INPP4B: variants seen among roughly 807,000 people sequenced by gnomAD.
INPP4B encodes inositol polyphosphate-4-phosphatase type II B.
Under a neutral mutation model 122.5 loss-of-function variants are expected in INPP4B, and 55 were observed. The ratio of observed to expected loss-of-function variants is 0.45; its 90% CI spans 0.36 to 0.56. The LOEUF is 0.56. INPP4B is among the 20% of genes least tolerant of loss of function. The probability of loss-of-function intolerance (pLI) is 0.00; values close to 1 mark genes in which losing one functional copy is unlikely to be tolerated. For synonymous variants in INPP4B, 403 were observed against 388.7 expected (o/e 1.04, Z -0.43); for missense variants, 1,000 against 1,097.7 (o/e 0.91, Z 1.26).
chr4:142,077,239 A>G (rs1771296461), intron 25 of INPP4B, among the ~76,000 whole-genome samples: 1 of 151,880 alleles, frequency 6.6e-6, no homozygotes, highest in Non-Finnish European at 1.5e-5. Context: ...GCTGAAACTT[A>G]CCCTGAGTCT....
chr4:142,067,588 G>A (rs940038729), intron 25 of INPP4B, among the ~76,000 whole-genome samples: 2 of 152,132 alleles, frequency 1.3e-5, no homozygotes, highest in Non-Finnish European at 2.9e-5. Flanking sequence ...CTTGAAAAAA[G>A]ATTAGATGAA....
intron 7 of INPP4B, among the ~76,000 whole-genome samples, chr4:142,395,838 TC>T (rs1411505286): frequency 6.6e-6 from 1 of 152,116 alleles, no homozygotes; most frequent in Non-Finnish European, 1.5e-5. Context: ...GGAGGAAGTA[TC>T]TAAAATTGTC....
intron 2 of INPP4B, chr4:142,474,536 G>A (rs1359823731): frequency 6.6e-6 from 1 of 152,392 alleles, no homozygotes; most frequent in Non-Finnish European, 1.5e-5. Flanking sequence ...ATCCAGGCAG[G>A]CAACACCAAC....
At chr4:142,151,561 G>C (rs1813927521) in intron 17 of INPP4B, among the ~76,000 whole-genome samples, 1 of 151,968 alleles carries the variant, frequency 6.6e-6, no homozygotes, top group Non-Finnish European at 1.5e-5. Flanking sequence ...TATTCCCCTG[G>C]CTTGGATTTT....
intron 25 of INPP4B, among the ~76,000 whole-genome samples, chr4:142,049,861 T>A (rs2152385787): frequency 6.6e-6 from 1 of 152,114 alleles, no homozygotes; most frequent in East Asian, 1.9e-4. Flanking sequence ...AATCTATCAA[T>A]AAGCAGAAAT....
At chr4:142,654,519 G>A (rs74899114) in intron 2 of INPP4B, 34 of 152,032 alleles carry the variant, frequency 2.2e-4, no homozygotes, top group Non-Finnish European at 4.4e-4. Context: ...GGATTTAATT[G>A]TATAAATTCT....
chr4:142,296,358 T>C (rs944360988), intron 9 of INPP4B, among the ~76,000 whole-genome samples: 1 of 152,044 alleles, frequency 6.6e-6, no homozygotes, highest in East Asian at 1.9e-4. Context: ...TTGAATGAAG[T>C]GGGAAATAAA....
intron 2 of INPP4B, among the ~76,000 whole-genome samples, chr4:142,501,050 A>G (rs1823307211): frequency 6.6e-6 from 1 of 152,210 alleles, no homozygotes; most frequent in Non-Finnish European, 1.5e-5. Flanking sequence ...ACAATAAAAA[A>G]TACTAACAGT....
chr4:142,398,164 A>C (rs1205715949), intron 7 of INPP4B, among the ~76,000 whole-genome samples: 2 of 151,326 alleles, frequency 1.3e-5, no homozygotes, highest in Non-Finnish European at 2.9e-5. Context: ...TCACGAGGTC[A>C]GGAGATCAAG....
At chr4:142,793,084 T>G (rs1041970302) in intron 1 of INPP4B, among the ~76,000 whole-genome samples, 2 of 151,890 alleles carry the variant, frequency 1.3e-5, no homozygotes, top group African/African-American at 4.8e-5. Flanking sequence ...ACAAAAGTGC[T>G]ACAGAATCAG....
chr4:142,497,826 T>G (rs986109315), intron 2 of INPP4B, among the ~76,000 whole-genome samples: 2 of 152,140 alleles, frequency 1.3e-5, no homozygotes, highest in African/African-American at 2.4e-5. Flanking sequence ...ATGCCATGGC[T>G]TAACCTCCAT....
chr4:142,340,412 C>CTCTT (rs112269343), intron 7 of INPP4B, among the ~76,000 whole-genome samples: 43,654 of 151,540 alleles, frequency 0.29, 6,534 homozygotes, highest in East Asian at 0.46. Flanking sequence ...TTTTTTTTCT[C>CTCTT]TTTAAAATTT....
At chr4:142,082,285 T>C in intron 24 of INPP4B, 100 bp from the exon 25 acceptor site, 1 of 1,029,406 alleles carries the variant, frequency 9.7e-7, no homozygotes, top group Non-Finnish European at 1.3e-6. Context: ...CAAATATAAA[T>C]TTGGGTTTCT....
chr4:142,705,029 T>C (rs1303113260), intron 2 of INPP4B, among the ~76,000 whole-genome samples: 1 of 152,194 alleles, frequency 6.6e-6, no homozygotes, highest in African/African-American at 2.4e-5. Context: ...TTGGCCTTTA[T>C]CCCCTTGAAA....
intron 23 of INPP4B, among the ~76,000 whole-genome samples, chr4:142,097,255 A>ATTTTAT: frequency 6.7e-6 from 1 of 148,178 alleles, no homozygotes; most frequent in Admixed American, 6.8e-5. Flanking sequence ...ATTTTATTTT[A>ATTTTAT]TTTTATTTTA....
At chr4:142,113,835 A>G (rs1208724859) in intron 21 of INPP4B, among the ~76,000 whole-genome samples, 10 of 152,056 alleles carry the variant, frequency 6.6e-5, no homozygotes, top group Non-Finnish European at 1.3e-4. Context: ...ATATGAATTC[A>G]TGCATTTTAA....
intron 16 of INPP4B, among the ~76,000 whole-genome samples, chr4:142,161,804 A>G (rs1265844798): frequency 1.3e-5 from 2 of 151,928 alleles, no homozygotes; most frequent in African/African-American, 2.4e-5. Flanking sequence ...GGTGAAAGGG[A>G]TCTTAAAGTT....
intron 5 of INPP4B, among the ~76,000 whole-genome samples, chr4:142,412,465 T>G (rs1039899202): frequency 6.6e-6 from 1 of 152,118 alleles, no homozygotes; most frequent in Non-Finnish European, 1.5e-5. Flanking sequence ...CTAGGCTCAG[T>G]GCACTACAAT....
chr4:142,319,700 C>T (rs763469836), intron 7 of INPP4B, among the ~76,000 whole-genome samples: 4 of 152,174 alleles, frequency 2.6e-5, no homozygotes, highest in Non-Finnish European at 5.9e-5. Context: ...AATGGCCATA[C>T]ATAAAGGAGT....
Sources: gnomAD v4.1 joint callset for allele counts (sites outside exome capture counted in the v4.1 genomes callset) on GRCh38, gnomAD v4.1.1 for gene constraint, MANE v1.5 for transcripts, NCBI Gene and HGNC (gene_info 2026-07-23, HGNC 2026-07-21) for gene names.